The following PARP4 variants were observed in gnomAD, a reference collection of about 807,000 sequenced individuals.
PARP4 encodes poly(ADP-ribose) polymerase family member 4, also known as protein mono-ADP-ribosyltransferase PARP4.
PARP4 carries 120 observed loss-of-function variants against 187.7 expected under a neutral mutation model. The ratio of observed to expected loss-of-function variants is 0.64; its 90% CI spans 0.55 to 0.74. The LOEUF is 0.74. Ranked by LOEUF, PARP4 falls within the 30% of genes least tolerant of loss-of-function variation. The probability of loss-of-function intolerance (pLI) is 0.00; values close to 1 mark genes in which losing one functional copy is unlikely to be tolerated. For synonymous variants in PARP4, 654 were observed against 740.9 expected (o/e 0.88, Z 1.90); for missense variants, 1,836 against 2,070.5 (o/e 0.89, Z 2.20).
intron 31 of PARP4, among the ~76,000 whole-genome samples, chr13:24,433,666 C>T (rs1870458494): frequency 6.6e-6 from 1 of 152,134 alleles, no homozygotes. Flanking sequence ...GTTTAAATCT[C>T]AAACCCACTC....
In PARP4 at chr13:24,423,533, A is replaced by AAAATAAATAAATAAATAAAT. The variant is rs1555231472; in HGVS notation, c.4980-2220_4980-2219insATTTATTTATTTATTTATTT. Among the ~76,000 whole-genome samples the AAAATAAATAAATAAATAAAT allele has an allele frequency of 1.2e-3, 183 of 150,844 alleles. 2 individuals carry two copies. In the East Asian group the frequency reaches 0.017, roughly 14 times the overall value. ...GTGACAGAACGAGATCTGGCCTCAA[A>AAAATAAATAAATAAATAAAT]AAATAAATAAATAAATAAAAACAAA... On this transcript the variant is annotated intron_variant, in intron 33 of 33. Coordinates refer to ENST00000381989, the MANE Select transcript of PARP4 (RefSeq NM_006437.4).
chr13:24,504,775 C>T (rs868288999), intron 1 of PARP4, among the ~76,000 whole-genome samples: 1 of 151,832 alleles, frequency 6.6e-6, no homozygotes, highest in Non-Finnish European at 1.5e-5. Flanking sequence ...CTTACTGCAA[C>T]CTCCACCTCC....
Position 24,486,234 on chromosome 13 carries a change from T to C in PARP4, c.1286A>G (p.Lys429Arg), listed in dbSNP as rs774263794. 3.1e-6 allele frequency: 5 copies of C among 1,613,710 alleles called. No individual in the cohort carries two copies. In the South Asian group the frequency reaches 4.4e-5, roughly 14 times the overall value. The change falls in exon 11 of 34, where the codon AAA becomes AGA. Residue 429 changes from lysine to arginine, a missense_variant. Coordinates refer to ENST00000381989, the MANE Select transcript of PARP4 (RefSeq NM_006437.4). ...CAACAAGGGCCTCACATTACCAAGTTTGCTCAAAAACTCTGTGGTTTCATT... is the reference window on the plus strand; with the variant it reads ...CAACAAGGGCCTCACATTACCAAGTCTGCTCAAAAACTCTGTGGTTTCATT... ...RVNETTEFLS[K>R]LGNVRPLLHG... is the part of the protein sequence containing the mutation.
chr13:24,438,671 G>A (rs1326283352), intron 30 of PARP4, among the ~76,000 whole-genome samples: 1 of 152,204 alleles, frequency 6.6e-6, no homozygotes, highest in Non-Finnish European at 1.5e-5. Context: ...GCGTGGCTGT[G>A]GGAGGACAAG....
In PARP4 at chr13:24,503,614, T is replaced by C. The variant is rs764099994; in HGVS notation, c.132+31A>G. On this transcript the variant is annotated intron_variant, in intron 2 of 33. Transcript: ENST00000381989. ...TGTTCCCTGAATGCGCAATGTTTTATCACACTGTAGTTTATGACACTTGGA... is the reference window on the plus strand; with the variant it reads ...TGTTCCCTGAATGCGCAATGTTTTACCACACTGTAGTTTATGACACTTGGA... 3.7e-6 allele frequency: 6 copies of C among 1,610,974 alleles called. No homozygotes were observed. The South Asian group carries it at 6.6e-5, about 18-fold the overall frequency.
chr13:24,421,363 G>A lies in PARP4; in HGVS notation c.4980-49C>T, dbSNP rs1283836771. 3 of 702,290 alleles carry A rather than the reference G, an allele frequency of 4.3e-6. No individual in the cohort carries two copies. The Admixed American group carries it at 9.0e-5, about 21-fold the overall frequency. The allele number at this position is 702,290 out of a possible 1,614,324, so 43.5% of individuals were successfully genotyped here. A position where few individuals can be genotyped will look rare whatever the true frequency, so the allele number is the denominator to read the frequency against. ...GATTTCAGAATATAACATGTGAAATGTAATGTGGTACTAAACCCATCACAT... is the reference window on the plus strand; with the variant it reads ...GATTTCAGAATATAACATGTGAAATATAATGTGGTACTAAACCCATCACAT... On this transcript the variant is annotated intron_variant, in intron 33 of 33. Coordinates refer to ENST00000381989, the MANE Select transcript of PARP4 (RefSeq NM_006437.4).
chr13:24,492,540 C>T lies in PARP4; in HGVS notation c.934G>A (p.Glu312Lys). Residue 312 changes from glutamate (E) to lysine (K), a missense_variant, in exon 9 of 34, where the codon GAA becomes AAA. Glu to Lys is a moderately conservative substitution (Grantham distance 56). Coordinates refer to ENST00000381989, the MANE Select transcript of PARP4 (RefSeq NM_006437.4). ...ATCTTTTGCAATTGCTCTGCTGTTT[C>T]TCCATTTTTCAGTGCTGCCTTTACT... ...LLVKAALKNG[E>K]TAEQLQKMMT... The T allele has an allele frequency of 6.2e-7, 1 of 1,614,050 alleles. No individual in the cohort carries two copies. Among genetic ancestry groups the T allele is most frequent in the Non-Finnish European group, 8.5e-7 (1 of 1,179,928 alleles).
At position 24,499,308 on chromosome 13, in the gene PARP4, A is replaced by G. The variant is rs1433048964; in HGVS notation, c.470T>C (p.Leu157Ser). The G allele has an allele frequency of 2.0e-6, 3 of 1,530,676 alleles. No individual in the cohort carries two copies. Among genetic ancestry groups the G allele is most frequent in the Non-Finnish European group, 2.6e-6 (3 of 1,143,952 alleles). 94.8% of individuals were successfully genotyped at this position (1,530,676 alleles called of 1,614,324 possible). The change falls in exon 5 of 34, where the codon TTG (leucine) becomes TCG (serine). Residue 157 changes from leucine (L) to serine (S), a missense_variant. Transcript: ENST00000381989. ...TAGAAATCAGATTCTTACTTTCTCCAAGGTGTTATATTTTGCAACTTCAAA... is the reference window on the plus strand; with the variant it reads ...TAGAAATCAGATTCTTACTTTCTCCGAGGTGTTATATTTTGCAACTTCAAA... ...QDFEVAKYNT[L>S]EKVGMEGGQE... is the part of the protein sequence containing the mutation.
chr13:24,483,283 G>A (rs900013379), intron 12 of PARP4, among the ~76,000 whole-genome samples: 6 of 151,108 alleles, frequency 4.0e-5, no homozygotes, highest in Non-Finnish European at 5.9e-5. Flanking sequence ...TCAGGAGATC[G>A]AGACCATCCT....
intron 32 of PARP4, among the ~76,000 whole-genome samples, chr13:24,427,418 G>A (rs7991946): frequency 1.6e-3 from 208 of 130,026 alleles, no homozygotes; most frequent in African/African-American, 5.8e-3. Flanking sequence ...CTGTCATGCT[G>A]GAGTGCAGTG....
intron 12 of PARP4, among the ~76,000 whole-genome samples, chr13:24,483,492 C>CAAAA (rs745935813): frequency 1.6e-4 from 17 of 107,974 alleles, no homozygotes; most frequent in Non-Finnish European, 2.4e-4. Context: ...GACTCCGTCT[C>CAAAA]AAAAAAAAAA....
chr13:24,446,513 G>GA (rs1323451048), intron 27 of PARP4, among the ~76,000 whole-genome samples, 168 bp downstream of exon 27: 1 of 151,494 alleles, frequency 6.6e-6, no homozygotes, highest in East Asian at 1.9e-4. Context: ...ACAAAAACTT[G>GA]AAAAAAAATT....
intron 20 of PARP4, among the ~76,000 whole-genome samples, chr13:24,457,129 C>A (rs1871900584): frequency 6.6e-6 from 1 of 151,832 alleles, no homozygotes; most frequent in Admixed American, 6.6e-5. Flanking sequence ...ACCGAGAAGA[C>A]TAAAATAGAA....
intron 32 of PARP4, among the ~76,000 whole-genome samples, chr13:24,429,626 A>G (rs1273996336): frequency 2.0e-5 from 3 of 152,102 alleles, no homozygotes; most frequent in Non-Finnish European, 4.4e-5. Context: ...AAGTCTCTCT[A>G]ATTTGGTGCC....
chr13:24,483,140 C>G (rs181147950), intron 12 of PARP4, among the ~76,000 whole-genome samples: 42 of 152,214 alleles, frequency 2.8e-4, no homozygotes, highest in African/African-American at 9.6e-4. Context: ...CTGCCTCAGC[C>G]TCCTGAGTAG....
intron 22 of PARP4, among the ~76,000 whole-genome samples, chr13:24,454,476 C>T (rs959696800): frequency 2.0e-5 from 3 of 152,198 alleles, no homozygotes; most frequent in Non-Finnish European, 4.4e-5. Flanking sequence ...TGAGACGTCC[C>T]TGGGCCCCAT....
At position 24,492,865 on chromosome 13, in the gene PARP4, C is replaced by A. The variant is rs9318599; in HGVS notation, c.880-271G>T. On this transcript the variant is annotated intron_variant, in intron 8 of 33. Coordinates refer to ENST00000381989, the MANE Select transcript of PARP4 (RefSeq NM_006437.4). Reference sequence around the variant, plus strand: ...TACATATGTGGACACATCTACATACCTATACACAGAGAGAGAAACACTAAT... The same window carrying A: ...TACATATGTGGACACATCTACATACATATACACAGAGAGAGAAACACTAAT... Among the ~76,000 whole-genome samples the A allele has an allele frequency of 0.11, 16,683 of 152,142 alleles. 987 individuals carry two copies. Among genetic ancestry groups the A allele is most frequent in the African/African-American group, 0.12 (5,101 of 41,492 alleles).
At chr13:24,512,009 A>G (rs947410646) in intron 1 of PARP4, among the ~76,000 whole-genome samples, 11 of 152,222 alleles carry the variant, frequency 7.2e-5, no homozygotes, top group African/African-American at 2.7e-4. Context: ...TGCAACACGC[A>G]CATCTCAGAG....
chr13:24,459,974 GA>G lies in PARP4; in HGVS notation c.2295del (p.Gln766ArgfsTer4). On this transcript the variant is annotated frameshift_variant, in exon 18 of 34. Coordinates refer to ENST00000381989, the MANE Select transcript of PARP4 (RefSeq NM_006437.4). LOFTEE classifies it high-confidence loss of function. ...CTTCAAATCTTATGCGTACAAACCT[GA>G]AGGTTTTCATTCAAAGCCTTGTCCT... is the stretch of plus-strand genomic sequence containing the variant. Reference protein sequence around the residue: ...WQQDKALNENLQDTVEKICIK... With the variant: ...WQQDKALNENXQDTVEKICIK... 6.2e-7 allele frequency: 1 copy of G among 1,613,524 alleles called. No homozygotes were observed. The highest frequency in any genetic ancestry group is 1.3e-5 in the African/African-American group (1 of 74,988).
Sources: gnomAD v4.1 joint callset for allele counts (sites outside exome capture counted in the v4.1 genomes callset) on GRCh38, gnomAD v4.1.1 for gene constraint, MANE v1.5 for transcripts, NCBI Gene and HGNC (gene_info 2026-07-23, HGNC 2026-07-21) for gene names.